The following PARD3B variants were observed in gnomAD, a reference collection of about 807,000 sequenced individuals.
PARD3B encodes partitioning defective 3 homolog B.
A neutral mutation model predicts 130.2 loss-of-function variants in PARD3B; 103 were observed. The ratio of observed to expected loss-of-function variants is 0.79; its 90% CI spans 0.67 to 0.93. The LOEUF (loss-of-function observed/expected upper bound fraction) is 0.93. Among genes scored for constraint, PARD3B ranks in the 40% least tolerant of loss-of-function variants. The pLI, the probability that PARD3B is intolerant of heterozygous loss-of-function variation, is 0.00. For synonymous variants in PARD3B, 583 were observed against 553.2 expected (o/e 1.05, Z -0.76); for missense variants, 1,609 against 1,499.2 (o/e 1.07, Z -1.21).
chr2:205,166,315 CAAGGCTTGCTTGGGGT>C (rs2034813968), intron 11 of PARD3B, among the ~76,000 whole-genome samples: 1 of 152,060 alleles, frequency 6.6e-6, no homozygotes, highest in Non-Finnish European at 1.5e-5. Context: ...AAGGCAATTG[CAAGGCTTGCTTGGGGT>C]GAGGAGTAAG....
At chr2:205,459,790 C>T (rs2048389195) in intron 20 of PARD3B, among the ~76,000 whole-genome samples, 1 of 152,198 alleles carries the variant, frequency 6.6e-6, no homozygotes, top group Non-Finnish European at 1.5e-5. Flanking sequence ...TTGCTTCCTT[C>T]TCTCGTGGCT....
rs1312016612 is a variant in PARD3B at position 205,127,887 on chromosome 2, AT to A, written c.1434+2158del. Among the ~76,000 whole-genome samples the A allele has an allele frequency of 8.5e-5, 13 of 152,102 alleles. No individual in the cohort carries two copies. The East Asian group carries it at 2.3e-3, about 27-fold the overall frequency. ...AATGATGCAGAAACTTGGAGTCTGGATTTTTTTTCTAAAATACAGATGGATT... is the reference window on the plus strand; with the variant it reads ...AATGATGCAGAAACTTGGAGTCTGGATTTTTTTCTAAAATACAGATGGATT... On this transcript the variant is annotated intron_variant, in intron 10 of 22. Transcript: ENST00000406610.
intron 20 of PARD3B, among the ~76,000 whole-genome samples, chr2:205,497,447 T>TTTTA (rs1491264051): frequency 6.9e-6 from 1 of 145,482 alleles, no homozygotes; most frequent in African/African-American, 2.7e-5. Flanking sequence ...TTTTTTTTTT[T>TTTTA]GTAATTTACA....
intron 20 of PARD3B, among the ~76,000 whole-genome samples, chr2:205,478,291 C>T (rs1038279466): frequency 2.0e-5 from 3 of 152,182 alleles, no homozygotes; most frequent in African/African-American, 7.2e-5. Flanking sequence ...CTGTGTGTCT[C>T]TCCTCCCTAG....
At chr2:204,672,140 G>A (rs1219767596) in intron 1 of PARD3B, among the ~76,000 whole-genome samples, 1 of 152,096 alleles carries the variant, frequency 6.6e-6, no homozygotes, top group African/African-American at 2.4e-5. Context: ...TGTTTTTCAT[G>A]TCTTCATCTA....
chr2:205,260,589 T>C (rs11892551), intron 16 of PARD3B, among the ~76,000 whole-genome samples: 31,666 of 152,068 alleles, frequency 0.21, 3,642 homozygotes, highest in African/African-American at 0.31. Flanking sequence ...TTTAGATTTG[T>C]TTCTTCTGGA....
At chr2:205,609,336 G>A (rs1215983635) in intron 22 of PARD3B, among the ~76,000 whole-genome samples, 1 of 152,176 alleles carries the variant, frequency 6.6e-6, no homozygotes, top group Non-Finnish European at 1.5e-5. Context: ...AACCAGAGAA[G>A]AAAGCACCGA....
At position 205,616,818 on chromosome 2, in the gene PARD3B, A is replaced by C. The variant is rs1031907109; in HGVS notation, c.*1005A>C. 2 of 152,946 alleles carry C rather than the reference A, an allele frequency of 1.3e-5. No individual in the cohort carries two copies. Among genetic ancestry groups the C allele is most frequent in the Admixed American group, 1.3e-4 (2 of 15,286 alleles). The allele number at this position is 152,946 out of a possible 1,614,324, so 9.5% of individuals were successfully genotyped here. A position where few individuals can be genotyped will look rare whatever the true frequency, so the allele number is the denominator to read the frequency against. The stretch of plus-strand genomic sequence containing the variant: ...CCAGACTCAGTGCCAAGCAGTAACC[A>C]TCTGCACTCGGGGACAGCGAGGAGC... On this transcript the variant is annotated 3_prime_UTR_variant, in exon 23 of 23. Coordinates refer to ENST00000406610, the MANE Select transcript of PARD3B (RefSeq NM_001302769.2).
intron 18 of PARD3B, among the ~76,000 whole-genome samples, chr2:205,322,238 T>G (rs953319264): frequency 1.3e-5 from 2 of 152,196 alleles, no homozygotes; most frequent in African/African-American, 4.8e-5. Flanking sequence ...TCCAAGAAAT[T>G]TATACTTTGC....
At chr2:205,595,398 T>C (rs1340208725) in intron 22 of PARD3B, among the ~76,000 whole-genome samples, 2 of 152,224 alleles carry the variant, frequency 1.3e-5, no homozygotes, top group Non-Finnish European at 2.9e-5. Context: ...TATTGGGTAA[T>C]GGCTCTTTAG....
At chr2:204,748,648 C>G (rs1028609942) in intron 2 of PARD3B, among the ~76,000 whole-genome samples, 2 of 152,102 alleles carry the variant, frequency 1.3e-5, no homozygotes, top group Non-Finnish European at 2.9e-5. Flanking sequence ...GTCCTCAACT[C>G]TAAACTATCT....
Position 204,918,530 on chromosome 2 carries a change from T to C in PARD3B, c.223-46622T>C, listed in dbSNP as rs1351690998. Among the ~76,000 whole-genome samples the C allele has an allele frequency of 2.0e-5, 3 of 148,082 alleles. No individual in the cohort carries two copies. In the East Asian group the frequency reaches 6.0e-4, roughly 30 times the overall value. On this transcript the variant is annotated intron_variant, in intron 2 of 22. Transcript: ENST00000406610. ...CTGTAGTCCCAGCTACTTGGGAGGCTGAGGCAGGAGAATGGCGTGAACCCG... is the reference window on the plus strand; with the variant it reads ...CTGTAGTCCCAGCTACTTGGGAGGCCGAGGCAGGAGAATGGCGTGAACCCG...
intron 2 of PARD3B, among the ~76,000 whole-genome samples, chr2:204,886,571 A>G (rs781205839): frequency 6.6e-6 from 1 of 152,248 alleles, no homozygotes; most frequent in Non-Finnish European, 1.5e-5. Flanking sequence ...AGTTTTTAAC[A>G]AAGGAAAATA....
chr2:204,568,237 C>G (rs182469546), intron 1 of PARD3B, among the ~76,000 whole-genome samples: 1 of 152,248 alleles, frequency 6.6e-6, no homozygotes, highest in Admixed American at 6.5e-5. Context: ...GAAACTCTTT[C>G]CATAGGTGGA....
chr2:204,603,526 A>G (rs2033595713), intron 1 of PARD3B, among the ~76,000 whole-genome samples: 2 of 152,188 alleles, frequency 1.3e-5, no homozygotes, highest in Admixed American at 1.3e-4. Flanking sequence ...TAATGAAAAC[A>G]TTGAAAACAT....
Position 205,262,850 on chromosome 2 carries a change from T to A in PARD3B, c.2185+17028T>A, listed in dbSNP as rs572817139. On this transcript the variant is annotated intron_variant, in intron 16 of 22. Transcript: ENST00000406610. ...GTCCATTTATTGCTTTACATTTTAT[T>A]CTCAGGTGCTGACAAATAATTTTTC... Among the ~76,000 whole-genome samples the A allele has an allele frequency of 2.0e-5, 3 of 152,242 alleles. No individual in the cohort carries two copies. In the East Asian group the frequency reaches 5.8e-4, roughly 29 times the overall value.
At chr2:205,140,175 C>T (rs1463280900) in intron 10 of PARD3B, among the ~76,000 whole-genome samples, 1 of 152,182 alleles carries the variant, frequency 6.6e-6, no homozygotes, top group African/African-American at 2.4e-5. Flanking sequence ...AAAGGCCCCT[C>T]GCTGTGTTAA....
At chr2:205,109,463 T>C (rs975815318) in intron 5 of PARD3B, among the ~76,000 whole-genome samples, 1 of 152,084 alleles carries the variant, frequency 6.6e-6, no homozygotes, top group African/African-American at 2.4e-5. Flanking sequence ...AGGAAATCAA[T>C]AGAAAAAAAT....
intron 4 of PARD3B, among the ~76,000 whole-genome samples, chr2:205,061,685 A>C (rs968789918): frequency 6.6e-6 from 1 of 152,070 alleles, no homozygotes; most frequent in Non-Finnish European, 1.5e-5. Context: ...TTTAATTTAC[A>C]GAAGGCACTT....
Sources: gnomAD v4.1 joint callset for allele counts (sites outside exome capture counted in the v4.1 genomes callset) on GRCh38, gnomAD v4.1.1 for gene constraint, MANE v1.5 for transcripts, NCBI Gene and HGNC (gene_info 2026-07-23, HGNC 2026-07-21) for gene names.